PAGE2B: variants seen among roughly 807,000 people sequenced by gnomAD.
The protein encoded by PAGE2B is PAGE family member 2B.
A neutral mutation model predicts 7.6 loss-of-function variants in PAGE2B; 5 were observed. The observed-to-expected ratio is 0.66, with a 90% CI of 0.34 to 1.38. The LOEUF (loss-of-function observed/expected upper bound fraction) is 1.38. PAGE2B is among the 40% of genes most tolerant of loss of function. PAGE2B has a pLI of 0.04. For synonymous variants in PAGE2B, 29 were observed against 26.7 expected (o/e 1.09, Z -0.27); for missense variants, 70 against 78.4 (o/e 0.89, Z 0.41).
intron 2 of PAGE2B, 133 bp downstream of exon 2, chrX:55,076,258 G>C: frequency 3.1e-5 from 24 of 771,291 alleles, no homozygotes; most frequent in Non-Finnish European, 4.2e-5. Context: ...TGAAGGAAAC[G>C]TTGGTTCAGG....
At chrX:55,044,017 T>C in the PAGE2B span, among the ~76,000 whole-genome samples, 1 of 105,633 alleles carries the variant, frequency 9.5e-6, no homozygotes, top group East Asian at 2.9e-4. Context: ...TTGGCATGGA[T>C]GTGGTAAAAA....
chrX:55,036,865 T>C, the PAGE2B span, among the ~76,000 whole-genome samples: 1 of 110,186 alleles, frequency 9.1e-6, no homozygotes, highest in South Asian at 3.9e-4. Flanking sequence ...AAGCTGAAAC[T>C]GGATCCCTTC....
At chrX:55,067,876 T>G in the PAGE2B span, among the ~76,000 whole-genome samples, 3 of 112,452 alleles carry the variant, frequency 2.7e-5, no homozygotes, top group African/African-American at 9.7e-5. Flanking sequence ...GATCATATCC[T>G]TCGCTCACTT....
At chrX:55,067,576 A>G in the PAGE2B span, among the ~76,000 whole-genome samples, 3 of 111,504 alleles carry the variant, frequency 2.7e-5, no homozygotes, top group Non-Finnish European at 5.6e-5. Flanking sequence ...CCCAGTAATG[A>G]GATTGCTGGG....
At chrX:55,068,372 G>A in the PAGE2B span, among the ~76,000 whole-genome samples, 2 of 111,335 alleles carry the variant, frequency 1.8e-5, no homozygotes, top group African/African-American at 3.3e-5. Flanking sequence ...TATTTCTGAG[G>A]CCTCTGTTCT....
the PAGE2B span, among the ~76,000 whole-genome samples, chrX:55,059,039 T>C: frequency 2.7e-5 from 3 of 111,631 alleles, no homozygotes; most frequent in Non-Finnish European, 5.7e-5. Context: ...GCCTTCAGGA[T>C]TGAGAAGCTA....
the PAGE2B span, among the ~76,000 whole-genome samples, chrX:55,039,224 T>A: frequency 9.0e-6 from 1 of 111,317 alleles, no homozygotes; most frequent in East Asian, 2.8e-4. Context: ...CTGAGTGATT[T>A]TCCCCCCCTG....
the PAGE2B span, among the ~76,000 whole-genome samples, chrX:55,043,833 G>A: frequency 9.1e-6 from 1 of 109,815 alleles, no homozygotes; most frequent in South Asian, 3.9e-4. Flanking sequence ...GAGTGTGGTG[G>A]TGTATGCCTG....
the PAGE2B span, among the ~76,000 whole-genome samples, chrX:55,052,941 A>G: frequency 1.8e-5 from 2 of 112,500 alleles, no homozygotes; most frequent in Non-Finnish European, 3.8e-5. Flanking sequence ...TGGCTCCACC[A>G]CAGTTTTCTT....
chrX:55,044,469 G>A, the PAGE2B span, among the ~76,000 whole-genome samples: 1 of 111,338 alleles, frequency 9.0e-6, no homozygotes, highest in African/African-American at 3.3e-5. Flanking sequence ...AGGGTGGATG[G>A]GGTGAGGGAT....
the PAGE2B span, among the ~76,000 whole-genome samples, chrX:55,069,082 A>T: frequency 8.9e-6 from 1 of 111,926 alleles, no homozygotes; most frequent in Non-Finnish European, 1.9e-5. Context: ...TATGTTGAAT[A>T]GGAGTGATGG....
At chrX:55,034,499 A>G in the PAGE2B span, among the ~76,000 whole-genome samples, 3 of 110,812 alleles carry the variant, frequency 2.7e-5, no homozygotes, top group Non-Finnish European at 5.7e-5. Context: ...TTCTCTTATC[A>G]TTTTTGGTTA....
chrX:55,048,681 C>T, the PAGE2B span, among the ~76,000 whole-genome samples: 1,053 of 111,730 alleles, frequency 9.4e-3, 9 homozygotes, highest in Admixed American at 0.017. Context: ...GCTGAAGTTG[C>T]CTATCAGCTT....
chrX:55,061,707 T>C, the PAGE2B span, among the ~76,000 whole-genome samples: 2 of 111,225 alleles, frequency 1.8e-5, no homozygotes, highest in Admixed American at 1.9e-4. Context: ...CTAACTATAT[T>C]TTTGCGCCCA....
At chrX:55,077,161 G>T (rs1231158350) in intron 3 of PAGE2B, among the ~76,000 whole-genome samples, 1 of 112,099 alleles carries the variant, frequency 8.9e-6, no homozygotes, top group East Asian at 2.8e-4. Context: ...CTGATTTAAT[G>T]TGATAAGAAT....
At chrX:55,030,894 C>A in the PAGE2B span, 1 of 336,617 alleles carries the variant, frequency 3.0e-6, no homozygotes, top group Admixed American at 3.1e-5. Context: ...CCCTGAGAGA[C>A]CAGCTGGCAG....
At chrX:55,039,063 G>A in the PAGE2B span, among the ~76,000 whole-genome samples, 1 of 111,708 alleles carries the variant, frequency 9.0e-6, no homozygotes. Flanking sequence ...TTGGGGAGGT[G>A]GCAAGCTCTT....
chrX:55,033,737 C>T, the PAGE2B span, among the ~76,000 whole-genome samples: 4 of 112,055 alleles, frequency 3.6e-5, no homozygotes, highest in Non-Finnish European at 5.6e-5. Context: ...GAATAGACTT[C>T]GGTGACTTAG....
At chrX:55,075,393 C>T (rs780737552) in intron 1 of PAGE2B, among the ~76,000 whole-genome samples, 375 of 110,458 alleles carry the variant, frequency 3.4e-3, no homozygotes, top group Non-Finnish European at 5.6e-3. Flanking sequence ...GTCTGAGTCT[C>T]GAAAACTCCT....
Sources: allele counts gnomAD v4.1 joint callset (sites outside exome capture counted in the v4.1 genomes callset), GRCh38; gene constraint gnomAD v4.1.1; transcripts MANE v1.5; gene names NCBI Gene and HGNC (gene_info 2026-07-23, HGNC 2026-07-21).